Variants in AGO1 observed in about 807,000 individuals in gnomAD.
The protein encoded by AGO1 is argonaute RISC component 1.
Under a neutral mutation model 109.2 loss-of-function variants are expected in AGO1, and 11 were observed. That is an observed-to-expected ratio of 0.10 (90% CI 0.06 to 0.17). The LOEUF (loss-of-function observed/expected upper bound fraction) is 0.17, where lower values mean the gene tolerates loss of function less well. Among genes scored for constraint, AGO1 ranks in the 10% least tolerant of loss-of-function variants. The pLI is 1.00. For synonymous variants in AGO1, 422 were observed against 418.6 expected (o/e 1.01, Z -0.10); for missense variants, 574 against 1,140.3 (o/e 0.50, Z 7.15).
chr1:35,894,240 A>G, intron 6 of AGO1, 69 bp downstream of exon 6: 4 of 1,592,106 alleles, frequency 2.5e-6, no homozygotes, highest in South Asian at 2.3e-5. Flanking sequence ...CCCTTGGGGT[A>G]TGCTCAGGGG....
At chr1:35,899,394 G>T (rs899940599) in intron 8 of AGO1, among the ~76,000 whole-genome samples, 15 of 152,112 alleles carry the variant, frequency 9.9e-5, no homozygotes, top group African/African-American at 3.6e-4. Context: ...CATTTTTTTT[G>T]AGTACATACC....
At position 35,923,419 on chromosome 1, in the gene AGO1, G is replaced by C. The variant is rs1269278192; in HGVS notation, c.*3812G>C. ...ACCTGGAATCATGTGTAACTAACAA[G>C]GTTGGACGTTTCTTCCCCATCAGGG... is the stretch of plus-strand genomic sequence containing the variant. On this transcript the variant is annotated 3_prime_UTR_variant, in exon 19 of 19. Transcript: ENST00000373204. 3 of 152,526 alleles carry C rather than the reference G, an allele frequency of 2.0e-5. No homozygotes were observed. The highest frequency in any genetic ancestry group is 6.5e-5 in the Admixed American group (1 of 15,274). 9.4% of individuals were successfully genotyped at this position (152,526 alleles called of 1,614,324 possible).
At chr1:35,874,851 A>C (rs1340708677) in intron 1 of AGO1, among the ~76,000 whole-genome samples, 1 of 152,318 alleles carries the variant, frequency 6.6e-6, no homozygotes, top group East Asian at 1.9e-4. Context: ...AGTTTTAGTG[A>C]TCTGGAAAGA....
chr1:35,894,125 G>T lies in AGO1; in HGVS notation c.738G>T (p.Lys246Asn). ...LDIRNIDEQP[K>N]PLTDSQRVRF... is the part of the protein sequence containing the mutation. ...TCAGGAACATAGATGAGCAGCCCAA[G>T]CCCCTCACGGACTCTCAGCGCGTTC... Residue 246 changes from lysine to asparagine, a missense_variant, in exon 6 of 19, where the codon AAG becomes AAT. By Grantham distance (94) the Lys-to-Asn change is moderately conservative. Coordinates refer to ENST00000373204, the MANE Select transcript of AGO1 (RefSeq NM_012199.5). 1 of 1,588,730 alleles carries T rather than the reference G, an allele frequency of 6.3e-7. No individual in the cohort carries two copies. The highest frequency in any genetic ancestry group is 1.2e-5 in the South Asian group (1 of 86,894).
At chr1:35,903,462 A>G (rs1047627499) in intron 11 of AGO1, among the ~76,000 whole-genome samples, 2 of 152,078 alleles carry the variant, frequency 1.3e-5, no homozygotes, top group African/African-American at 2.4e-5. Flanking sequence ...AATGCACTCT[A>G]GGGATGAGGA....
chr1:35,921,673 C>G lies in AGO1; in HGVS notation c.*2066C>G, dbSNP rs1645836622. 1 of 152,700 alleles carries G rather than the reference C, an allele frequency of 6.5e-6. No individual in the cohort carries two copies. Among genetic ancestry groups the G allele is most frequent in the African/African-American group, 2.4e-5 (1 of 41,456 alleles). The allele number at this position is 152,700 out of a possible 1,614,324, so 9.5% of individuals were successfully genotyped here. A position where few individuals can be genotyped will look rare whatever the true frequency, so the allele number is the denominator to read the frequency against. ...TATGCAAAACAATCTATCCCAGGTT[C>G]TGTTCTGGTTGGCTACATTGTTCAG... On this transcript the variant is annotated 3_prime_UTR_variant, in exon 19 of 19. Transcript: ENST00000373204.
chr1:35,887,900 C>T (rs1645146373), intron 1 of AGO1, among the ~76,000 whole-genome samples: 1 of 152,150 alleles, frequency 6.6e-6, no homozygotes, highest in Non-Finnish European at 1.5e-5. Context: ...ATTCAGTTGC[C>T]TTAATTCTGC....
At chr1:35,892,313 C>T (rs1318610878) in intron 2 of AGO1, among the ~76,000 whole-genome samples, 1 of 152,234 alleles carries the variant, frequency 6.6e-6, no homozygotes, top group Non-Finnish European at 1.5e-5. Context: ...CCAGCAGTGT[C>T]ACTTAGGAGC....
chr1:35,887,181 A>G (rs1431274734), intron 1 of AGO1, among the ~76,000 whole-genome samples: 1 of 152,094 alleles, frequency 6.6e-6, no homozygotes, highest in Non-Finnish European at 1.5e-5. Context: ...AGAGCAGCTT[A>G]GCTCTGGGAA....
At chr1:35,882,015 G>GT (rs559221505), upstream of AGO1, among the ~76,000 whole-genome samples, 40 of 152,336 alleles carry the variant, frequency 2.6e-4, 1 homozygote, top group African/African-American at 9.4e-4. This position sits in a 1 kb window ranked among gnomAD's most constrained non-coding sequence, Gnocchi z 5.1. Flanking sequence ...AGTTCAGAAG[G>GT]TAAACATGTC....
intron 17 of AGO1, 121 bp from the exon 18 acceptor site, chr1:35,918,934 G>A: frequency 1.1e-6 from 1 of 870,022 alleles, no homozygotes; most frequent in Non-Finnish European, 1.9e-6. Context: ...TGGTAGTTTT[G>A]CATCTGCCTG....
Position 35,914,145 on chromosome 1 carries a change from C to A in AGO1, c.1743-39C>A, listed in dbSNP as rs200845637. 94 of 1,606,334 alleles carry A rather than the reference C, an allele frequency of 5.9e-5. 1 individual carries two copies. Among genetic ancestry groups the A allele is most frequent in the Non-Finnish European group, 7.4e-5 (87 of 1,173,228 alleles). On this transcript the variant is annotated intron_variant, in intron 13 of 18. Coordinates refer to ENST00000373204, the MANE Select transcript of AGO1 (RefSeq NM_012199.5). ...ACTGGATGGTGCCAGCTAGAGAAGA[C>A]CCAGCGCCTCACCATTTTGTTTTCT...
At chr1:35,904,516 T>C (rs986691993) in intron 11 of AGO1, among the ~76,000 whole-genome samples, 1 of 152,256 alleles carries the variant, frequency 6.6e-6, no homozygotes. Flanking sequence ...CTATTCTCTA[T>C]GTGCTCTTGT....
Position 35,893,769 on chromosome 1 carries a change from C to G in AGO1, c.608C>G (p.Ser203Cys). The part of the protein sequence containing the change: ...GREVWFGFHQ[S>C]VRPAMWKMML... ...GAGGTCTGGTTCGGCTTTCACCAGT[C>G]TGTGCGCCCTGCCATGTGGAAGATG... Residue 203 changes from serine to cysteine, a missense_variant, in exon 5 of 19, where the codon TCT becomes TGT. Physicochemically the swap from Ser to Cys is moderately radical, Grantham distance 112. This residue lies in a region of AGO1 where 129 missense variants were observed against 243.0 expected (regional missense o/e 0.53). Transcript: ENST00000373204. This position sits in a 1 kb window ranked among gnomAD's most constrained non-coding sequence, Gnocchi z 5.6. 6.2e-7 allele frequency: 1 copy of G among 1,613,938 alleles called. No individual in the cohort carries two copies. The highest frequency in any genetic ancestry group is 8.5e-7 in the Non-Finnish European group (1 of 1,179,926).
Position 35,930,414 on chromosome 1 carries a change from G to A in AGO1, c.*10807G>A, listed in dbSNP as rs1452846937. 1 of 152,194 alleles carries A rather than the reference G, an allele frequency of 6.6e-6. No individual in the cohort carries two copies. The highest frequency in any genetic ancestry group is 2.4e-5 in the African/African-American group (1 of 41,438). The allele number at this position is 152,194 out of a possible 1,614,324, so 9.4% of individuals were successfully genotyped here. On this transcript the variant is annotated 3_prime_UTR_variant, in exon 19 of 19. Coordinates refer to ENST00000373204, the MANE Select transcript of AGO1 (RefSeq NM_012199.5). ...GGTTGGCCCGTTGGGAGAATTGGAA[G>A]CCAACCAGTATAGCTGTAGCACAGG...
In AGO1 at chr1:35,893,966, T is replaced by C. The variant is rs1390852512; in HGVS notation, c.650-71T>C. The stretch of plus-strand genomic sequence containing the variant: ...CCAATGCCCTTTAAGGAAGAGGGTA[T>C]AAATTGCTGTGCCTCCATGTATTGT... On this transcript the variant is annotated intron_variant, in intron 5 of 18. Coordinates refer to ENST00000373204, the MANE Select transcript of AGO1 (RefSeq NM_012199.5). The surrounding 1 kb of genome is among the most constrained non-coding windows in gnomAD (Gnocchi z 5.6). 2 of 1,522,052 alleles carry C rather than the reference T, an allele frequency of 1.3e-6. No homozygotes were observed. Among genetic ancestry groups the C allele is most frequent in the African/African-American group, 2.8e-5 (2 of 72,076 alleles). The allele number at this position is 1,522,052 out of a possible 1,614,324, so 94.3% of individuals were successfully genotyped here. A position where few individuals can be genotyped will look rare whatever the true frequency, so the allele number is the denominator to read the frequency against.
At chr1:35,870,419 G>A (rs985563422) in intron 1 of AGO1, among the ~76,000 whole-genome samples, 1 of 152,090 alleles carries the variant, frequency 6.6e-6, no homozygotes, top group Admixed American at 6.6e-5. Flanking sequence ...GAGTAGCTGG[G>A]ACTATAGGCG....
intron 1 of AGO1, among the ~76,000 whole-genome samples, chr1:35,886,463 T>G (rs1360339242): frequency 6.6e-6 from 1 of 152,148 alleles, no homozygotes; most frequent in Non-Finnish European, 1.5e-5. Context: ...GCTCTAAGGC[T>G]ATGTGTGGTA....
At chr1:35,906,356 C>A (rs939895516) in intron 11 of AGO1, among the ~76,000 whole-genome samples, 2 of 152,176 alleles carry the variant, frequency 1.3e-5, no homozygotes, top group African/African-American at 4.8e-5. Flanking sequence ...GCTGCTTGAG[C>A]GGGGCAAGGT....
Sources: allele counts gnomAD v4.1 joint callset (sites outside exome capture counted in the v4.1 genomes callset), GRCh38; gene constraint gnomAD v4.1.1; regional missense constraint gnomAD v4.1.1; non-coding constraint Gnocchi (gnomAD v3.1); transcripts MANE v1.5; gene names NCBI Gene and HGNC (gene_info 2026-07-23, HGNC 2026-07-21).